The following CYBC1 variants were observed in gnomAD, a reference collection of about 807,000 sequenced individuals.
CYBC1 encodes cytochrome b-245 chaperone 1.
Under a neutral mutation model 21.7 loss-of-function variants are expected in CYBC1, and 22 were observed. That is an observed-to-expected ratio of 1.02 (90% confidence interval 0.73 to 1.45). CYBC1 has a LOEUF of 1.45. Ranked by LOEUF, CYBC1 falls within the 40% of genes most tolerant of loss-of-function variation. CYBC1 has a pLI of 0.00. For missense variants in CYBC1, 237 were observed against 242.1 expected, an observed-to-expected ratio of 0.98 and a Z score of 0.14; for synonymous variants, 112 against 98.7, an observed-to-expected ratio of 1.13 and a Z score of -0.80.
In CYBC1 at chr17:82,447,608, A is replaced by C; in HGVS notation, c.99T>G (p.Ile33Met). The C allele has an allele frequency of 3.8e-6, 6 of 1,598,324 alleles. No homozygotes were observed. The highest frequency in any genetic ancestry group is 5.1e-6 in the Non-Finnish European group (6 of 1,174,522). ...SWSLLVGILS[I>M]GLAAAYYSGD... Reference sequence around the variant, plus strand: ...CGCTGTAGTAGGCAGCAGCCAGGCCAATCGACAAGATTCCTATGAAGAGAA... The same window carrying C: ...CGCTGTAGTAGGCAGCAGCCAGGCCCATCGACAAGATTCCTATGAAGAGAA... Residue 33 changes from isoleucine to methionine, a missense_variant, in exon 3 of 7, where the codon ATT becomes ATG. Ile to Met is a conservative substitution (Grantham distance 10). Transcript: ENST00000306645.
intron 3 of CYBC1, 99 bp from the exon 4 acceptor site, chr17:82,446,795 C>G (rs1025743447): frequency 4.0e-5 from 50 of 1,250,970 alleles, no homozygotes; most frequent in Non-Finnish European, 5.5e-5. Flanking sequence ...CCAGAGCCCA[C>G]GCTTGCAAGG....
chr17:82,444,581 C>T lies in CYBC1; in HGVS notation c.309G>A (p.Leu103=), dbSNP rs1209014467. Residue 103 remains leucine (L), a synonymous_variant, in exon 6 of 7, where the codon CTG becomes CTA. Transcript: ENST00000306645. ...FRAGHDQVVV[L]LHDVRDVSVE... is the part of the protein sequence containing the mutation. ...CGCTCACATCACGGACATCATGGAG[C>T]AGGACCACCACTGCGGGGAGACGGT... 3 of 1,608,516 alleles carry T rather than the reference C, an allele frequency of 1.9e-6. No individual in the cohort carries two copies. The Admixed American group carries it at 5.0e-5, about 27-fold the overall frequency.
chr17:82,443,270 C>T lies in CYBC1; in HGVS notation c.*734G>A, dbSNP rs2054077497. ...GAAGAGCTGACCTTTTTTCTGGCCT[C>T]ACAGCTTATGCTGAAGCTGAGTGTG... On this transcript the variant is annotated 3_prime_UTR_variant, in exon 7 of 7. Coordinates refer to ENST00000306645, the MANE Select transcript of CYBC1 (RefSeq NM_001033046.4). The surrounding 1 kb of genome is among the most constrained non-coding windows in gnomAD (Gnocchi z 6.7). 1 of 360,248 alleles carries T rather than the reference C, an allele frequency of 2.8e-6. No homozygotes were observed. The highest frequency in any genetic ancestry group is 5.4e-6 in the Non-Finnish European group (1 of 183,530). 22.3% of individuals were successfully genotyped at this position (360,248 alleles called of 1,614,324 possible). A position where few individuals can be genotyped will look rare whatever the true frequency, so the allele number is the denominator to read the frequency against.
At position 82,442,674 on chromosome 17, in the gene CYBC1, G is replaced by T; in HGVS notation, c.*1330C>A. On this transcript the variant is annotated 3_prime_UTR_variant, in exon 7 of 7. Transcript: ENST00000306645. This position sits in a 1 kb window ranked among gnomAD's most constrained non-coding sequence, Gnocchi z 6.8. ...GTGAAGGGTTATTTATGGTTATGAT[G>T]ACCCTGTCCTGCAACGAGGGACTGG... is the stretch of plus-strand genomic sequence containing the variant. The T allele has an allele frequency of 6.0e-6, 8 of 1,334,664 alleles. No individual in the cohort carries two copies. The Middle Eastern group carries it at 9.5e-4, about 159-fold the overall frequency. 82.7% of individuals were successfully genotyped at this position (1,334,664 alleles called of 1,614,324 possible).
intron 3 of CYBC1, 87 bp downstream of exon 3, chr17:82,447,491 GAC>G: frequency 9.8e-7 from 1 of 1,018,592 alleles, no homozygotes; most frequent in Non-Finnish European, 1.4e-6. Flanking sequence ...CCGCCCCATG[GAC>G]AGTCACAAAT....
chr17:82,446,050 G>A, intron 4 of CYBC1, 90 bp from the exon 5 acceptor site: 2 of 1,017,496 alleles, frequency 2.0e-6, no homozygotes, highest in Non-Finnish European at 3.0e-6. Context: ...CACCAGGGTG[G>A]ACACTCAAGA....
chr17:82,444,825 C>T (rs894674736), intron 5 of CYBC1: 3 of 537,646 alleles, frequency 5.6e-6, no homozygotes, highest in South Asian at 5.1e-5. Flanking sequence ...GTCACATGCA[C>T]AGCCCGCTGG....
intron 6 of CYBC1, 129 bp downstream of exon 6, chr17:82,444,318 G>A (rs570148503): frequency 1.2e-5 from 18 of 1,453,080 alleles, no homozygotes; most frequent in South Asian, 5.3e-5. Context: ...CACGCTTCCC[G>A]TGGGCCCCTC....
intron 2 of CYBC1, 36 bp from the exon 3 acceptor site, chr17:82,447,657 C>T (rs367841738): frequency 2.1e-5 from 33 of 1,565,274 alleles, no homozygotes; most frequent in Non-Finnish European, 2.7e-5. Flanking sequence ...CTATTGATCC[C>T]GGTAAGACCC....
At chr17:82,448,956 G>A (rs1489360826) in intron 2 of CYBC1, 5 of 551,960 alleles carry the variant, frequency 9.1e-6, no homozygotes, top group African/African-American at 5.8e-5. Flanking sequence ...TATTAAATAC[G>A]CTGGGTGTTA....
In CYBC1 at chr17:82,442,965, C is replaced by A. The variant is rs1047226856; in HGVS notation, c.*1039G>T. 4.6e-6 allele frequency: 1 copy of A among 217,244 alleles called. No homozygotes were observed. Among genetic ancestry groups the A allele is most frequent in the Non-Finnish European group, 9.2e-6 (1 of 108,466 alleles). 13.5% of individuals were successfully genotyped at this position (217,244 alleles called of 1,614,324 possible). A position where few individuals can be genotyped will look rare whatever the true frequency, so the allele number is the denominator to read the frequency against. Reference sequence around the variant, plus strand: ...CAGGATGGTTGGCGTTCAGCTCCTACGGGGTGGGGAGAAGTCTGTAGCCGA... The same window carrying A: ...CAGGATGGTTGGCGTTCAGCTCCTAAGGGGTGGGGAGAAGTCTGTAGCCGA... On this transcript the variant is annotated 3_prime_UTR_variant, in exon 7 of 7. Coordinates refer to ENST00000306645, the MANE Select transcript of CYBC1 (RefSeq NM_001033046.4). This position sits in a 1 kb window ranked among gnomAD's most constrained non-coding sequence, Gnocchi z 6.8.
intron 6 of CYBC1, 47 bp downstream of exon 6, chr17:82,444,399 AC>A (rs1344337350): frequency 6.4e-7 from 1 of 1,565,536 alleles, no homozygotes; most frequent in Non-Finnish European, 8.7e-7. Context: ...AACGGGAGTG[AC>A]CTGCTACGGC....
intron 1 of CYBC1, chr17:82,449,581 G>A (rs1015005390): frequency 3.9e-5 from 12 of 308,562 alleles, no homozygotes; most frequent in Admixed American, 2.5e-4. Flanking sequence ...CACCTGCCCC[G>A]TCCTGTCTGG....
At chr17:82,447,864 G>A (rs781738120) in intron 2 of CYBC1, 18 of 594,660 alleles carry the variant, frequency 3.0e-5, no homozygotes, top group African/African-American at 5.6e-5. Context: ...GGAGGCCGAG[G>A]AAGGAAGAGC....
In CYBC1 at chr17:82,446,663, C is replaced by G; in HGVS notation, c.161G>C (p.Gly54Ala). 1 of 1,614,122 alleles carries G rather than the reference C, an allele frequency of 6.2e-7. No individual in the cohort carries two copies. The highest frequency in any genetic ancestry group is 8.5e-7 in the Non-Finnish European group (1 of 1,180,014). Residue 54 changes from glycine (G) to alanine (A), a missense_variant, in exon 4 of 7, where the codon GGC (glycine) becomes GCC (alanine). Coordinates refer to ENST00000306645, the MANE Select transcript of CYBC1 (RefSeq NM_001033046.4). ...GTTCTGCACAGCCACAAACAGGCAG[C>G]CTGTGACGTAGAAGAGCTTCCAGCC... Reference protein sequence around the residue: ...SLGWKLFYVTGCLFVAVQNLE... With the variant: ...SLGWKLFYVTACLFVAVQNLE...
chr17:82,449,289 G>A lies in CYBC1; in HGVS notation c.-35C>T, dbSNP rs754033409. ...GCAGCACCACTCTCTACAGGAGGAG[G>A]GGTCTGGGAACAGACAGAGGCAGCT... On this transcript the variant is annotated 5_prime_UTR_variant, in exon 2 of 7. Coordinates refer to ENST00000306645, the MANE Select transcript of CYBC1 (RefSeq NM_001033046.4). The A allele has an allele frequency of 4.7e-6, 7 of 1,488,966 alleles. No individual in the cohort carries two copies. Among genetic ancestry groups the A allele is most frequent in the Non-Finnish European group, 5.4e-6 (6 of 1,112,248 alleles). 92.2% of individuals were successfully genotyped at this position (1,488,966 alleles called of 1,614,324 possible). A position where few individuals can be genotyped will look rare whatever the true frequency, so the allele number is the denominator to read the frequency against.
At chr17:82,444,655 A>G (rs758856053) in intron 5 of CYBC1, 64 bp from the exon 6 acceptor site, 19 of 1,532,460 alleles carry the variant, frequency 1.2e-5, no homozygotes, top group Non-Finnish European at 1.7e-5. Context: ...CAGTCGCACC[A>G]GCGCCACTGG....
chr17:82,444,085 C>T lies in CYBC1; in HGVS notation c.483G>A (p.Leu161=), dbSNP rs2054121824. ...TGGGGCTCTCAAGGCAGTGCAGCTC[C>T]AGGAAGCTGGTGATGAGCTTGGCGA... The part of the protein sequence containing the change: ...EAIAKLITSF[L]ELHCLESPTE... Residue 161 remains leucine (L), a synonymous_variant, in exon 7 of 7, where the codon CTG becomes CTA. Transcript: ENST00000306645. 2 of 1,613,186 alleles carry T rather than the reference C, an allele frequency of 1.2e-6. No individual in the cohort carries two copies. Among genetic ancestry groups the T allele is most frequent in the East Asian group, 2.2e-5 (1 of 44,870 alleles).
intron 4 of CYBC1, among the ~76,000 whole-genome samples, 175 bp downstream of exon 4, chr17:82,446,448 C>G (rs1174349380): frequency 2.0e-5 from 3 of 152,224 alleles, no homozygotes; most frequent in Non-Finnish European, 4.4e-5. Flanking sequence ...AGAACGGTCC[C>G]AGATGAGTGC....
Sources: gnomAD v4.1 joint callset for allele counts (sites outside exome capture counted in the v4.1 genomes callset) on GRCh38, gnomAD v4.1.1 for gene constraint, Gnocchi (gnomAD v3.1) non-coding constraint, MANE v1.5 for transcripts, NCBI Gene and HGNC (gene_info 2026-07-23, HGNC 2026-07-21) for gene names.